Variants in FAM184B observed in about 807,000 individuals in gnomAD.
The protein encoded by FAM184B is family with sequence similarity 184 member B.
Under a neutral mutation model 135.9 loss-of-function variants are expected in FAM184B, and 111 were observed. The ratio of observed to expected loss-of-function variants is 0.82; its 90% CI spans 0.70 to 0.96. The LOEUF (loss-of-function observed/expected upper bound fraction) is 0.96. FAM184B is among the 40% of genes least tolerant of loss of function. The pLI is 0.00. For missense variants in FAM184B, 1,375 were observed against 1,323.9 expected (o/e 1.04, Z -0.60); for synonymous variants, 552 against 524.8 (o/e 1.05, Z -0.71).
intron 11 of FAM184B, among the ~76,000 whole-genome samples, chr4:17,648,375 C>G (rs1479964247): frequency 6.6e-6 from 1 of 151,708 alleles, no homozygotes; most frequent in Admixed American, 6.6e-5. Flanking sequence ...GAGATGGAGT[C>G]TCGGTTTGTT....
intron 1 of FAM184B, among the ~76,000 whole-genome samples, chr4:17,732,539 T>C (rs1191227258): frequency 8.5e-5 from 13 of 152,180 alleles, no homozygotes; most frequent in Middle Eastern, 3.4e-3. Context: ...CAAACTACCA[T>C]TAGAGAATAC....
intron 7 of FAM184B, among the ~76,000 whole-genome samples, chr4:17,673,969 C>A (rs2191504): frequency 1.3e-5 from 2 of 151,864 alleles, no homozygotes; most frequent in South Asian, 2.1e-4. Context: ...AAGATTTTCC[C>A]AGACAAACAA....
rs1196752874 is a variant in FAM184B at position 17,652,945 on chromosome 4, G to A, written c.2076C>T (p.Ser692=). 10 of 1,551,580 alleles carry A rather than the reference G, an allele frequency of 6.4e-6. No individual in the cohort carries two copies. The highest frequency in any genetic ancestry group is 8.7e-6 in the Non-Finnish European group (10 of 1,146,994). ...GGTGTGTCTGGTGTTGGATCTGGAGGCTGTGGCTGGATTCCTTCTTCAAGC... is the reference window on the plus strand; with the variant it reads ...GGTGTGTCTGGTGTTGGATCTGGAGACTGTGGCTGGATTCCTTCTTCAAGC... ...EERLKKESSH[S]LQIQHQTHRL... Residue 692 remains serine (S), a synonymous_variant, in exon 11 of 18, where the codon AGC becomes AGT. Transcript: ENST00000265018.
chr4:17,642,190 G>A lies in FAM184B; in HGVS notation c.2385C>T (p.Gly795=), dbSNP rs949366195. ...GGPGQAGSPP[G]AAGQGSGEGC... Reference sequence around the variant, plus strand: ...CCTCGCCGGAACCCTGCCCAGCAGCGCCCGGTGGGGAGCCGGCCTGGCCCG... The same window carrying A: ...CCTCGCCGGAACCCTGCCCAGCAGCACCCGGTGGGGAGCCGGCCTGGCCCG... Residue 795 remains glycine (G), a synonymous_variant, in exon 13 of 18, where the codon GGC becomes GGT. Coordinates refer to ENST00000265018, the MANE Select transcript of FAM184B (RefSeq NM_015688.2). 7 of 1,526,978 alleles carry A rather than the reference G, an allele frequency of 4.6e-6. No homozygotes were observed. The highest frequency in any genetic ancestry group is 2.8e-5 in the African/African-American group (2 of 71,380). 94.6% of individuals were successfully genotyped at this position (1,526,978 alleles called of 1,614,324 possible).
At chr4:17,695,923 G>T (rs6832387) in intron 5 of FAM184B, among the ~76,000 whole-genome samples, 92,960 of 151,894 alleles carry the variant, frequency 0.61, 29,015 homozygotes, top group East Asian at 0.93. Context: ...GAGAGAACAT[G>T]AAGGAAAATA....
chr4:17,721,544 C>A (rs187703633), intron 1 of FAM184B, among the ~76,000 whole-genome samples: 2 of 152,034 alleles, frequency 1.3e-5, no homozygotes, highest in Admixed American at 6.6e-5. Flanking sequence ...CAGGAAGTAG[C>A]GCAAAGGCAT....
chr4:17,703,132 G>A (rs910441808), intron 5 of FAM184B, among the ~76,000 whole-genome samples: 1 of 152,164 alleles, frequency 6.6e-6, no homozygotes, highest in African/African-American at 2.4e-5. Context: ...TCTAAAGTAT[G>A]AGGTACTTTA....
chr4:17,655,983 T>C (rs1715769914), intron 10 of FAM184B, among the ~76,000 whole-genome samples: 1 of 152,158 alleles, frequency 6.6e-6, no homozygotes, highest in Non-Finnish European at 1.5e-5. Flanking sequence ...ACTTTGTAAA[T>C]GGCAGATCCA....
rs61741465 is a variant in FAM184B, at chr4:17,705,850, G to T, written c.1072C>A (p.Arg358=). The T allele has an allele frequency of 5.4e-4, 838 of 1,552,152 alleles. 4 individuals are homozygous for T. The African/African-American group carries it at 0.011, about 20-fold the overall frequency. ...TELVSENKVL[R]EENDLEAGNL... is the part of the protein sequence containing the mutation. ...CCGGCTTCCAAGTCATTCTCTTCCC[G>T]CAGGACTTTGTTCTCTGAAACTAAC... Residue 358 remains arginine (R), a synonymous_variant, in exon 4 of 18, where the codon CGG becomes AGG. Coordinates refer to ENST00000265018, the MANE Select transcript of FAM184B (RefSeq NM_015688.2).
intron 4 of FAM184B, 123 bp downstream of exon 4, chr4:17,705,629 C>A: frequency 8.4e-7 from 1 of 1,196,684 alleles, no homozygotes; most frequent in Non-Finnish European, 1.1e-6. Flanking sequence ...ACTCCAGGAA[C>A]TACAGGGTCT....
chr4:17,737,524 A>G (rs975723522), intron 1 of FAM184B, among the ~76,000 whole-genome samples: 6 of 152,228 alleles, frequency 3.9e-5, no homozygotes, highest in Admixed American at 1.3e-4. Context: ...GAGCCAATAA[A>G]TGTCAAAAAG....
At chr4:17,746,785 C>T (rs888278111) in intron 1 of FAM184B, among the ~76,000 whole-genome samples, 2 of 151,224 alleles carry the variant, frequency 1.3e-5, no homozygotes, top group East Asian at 2.0e-4. Context: ...CACCTGTAAT[C>T]TCAGCACTTT....
At chr4:17,726,355 A>G (rs577405378) in intron 1 of FAM184B, among the ~76,000 whole-genome samples, 3 of 151,996 alleles carry the variant, frequency 2.0e-5, no homozygotes, top group Admixed American at 6.6e-5. Flanking sequence ...CTCTTAAATG[A>G]TGTCTTTTTG....
intron 1 of FAM184B, among the ~76,000 whole-genome samples, chr4:17,771,301 A>C (rs1486469054): frequency 6.6e-6 from 1 of 152,010 alleles, no homozygotes; most frequent in Non-Finnish European, 1.5e-5. Context: ...GAGGCAGGGG[A>C]GTTTTGGGGG....
In FAM184B at chr4:17,664,571, T is replaced by C. The variant is rs1237719687; in HGVS notation, c.1685A>G (p.Glu562Gly). 1 of 1,551,440 alleles carries C rather than the reference T, an allele frequency of 6.4e-7. No individual in the cohort carries two copies. Among genetic ancestry groups the C allele is most frequent in the Admixed American group, 2.0e-5 (1 of 50,952 alleles). The change falls in exon 8 of 18, where the codon GAA (glutamate) becomes GGA (glycine). Residue 562 changes from glutamate (E) to glycine (G), a missense_variant. Coordinates refer to ENST00000265018, the MANE Select transcript of FAM184B (RefSeq NM_015688.2). ...LAAEEGTSSD[E>G]EERTKVLLKE... ...GCATGTCCTCCTGTACCTTTCTTCT[T>C]CATCACTGCTGGTTCCTTCTTCAGC...
chr4:17,640,088 T>C (rs1411505213), intron 13 of FAM184B, among the ~76,000 whole-genome samples: 1 of 123,806 alleles, frequency 8.1e-6, no homozygotes, highest in East Asian at 4.0e-4. Context: ...CGCTTCAGCC[T>C]CCCAAAGTGC....
chr4:17,749,115 G>A (rs186149919), intron 1 of FAM184B, among the ~76,000 whole-genome samples: 3 of 151,476 alleles, frequency 2.0e-5, no homozygotes, highest in African/African-American at 7.3e-5. Context: ...ATTACAGGCA[G>A]AGCCACTATG....
intron 1 of FAM184B, among the ~76,000 whole-genome samples, chr4:17,764,197 A>AGAGGG (rs1004941416): frequency 6.6e-6 from 1 of 152,222 alleles, no homozygotes; most frequent in Non-Finnish European, 1.5e-5. Flanking sequence ...GGAAAACGGA[A>AGAGGG]GAGGGGAGAG....
chr4:17,732,370 C>A (rs1172367411), intron 1 of FAM184B, among the ~76,000 whole-genome samples: 3 of 152,128 alleles, frequency 2.0e-5, no homozygotes, highest in Non-Finnish European at 2.9e-5. Flanking sequence ...ACACAAAAAA[C>A]CCTTCAAAAA....
Sources: gnomAD v4.1 joint callset for allele counts (sites outside exome capture counted in the v4.1 genomes callset) on GRCh38, gnomAD v4.1.1 for gene constraint, MANE v1.5 for transcripts, NCBI Gene and HGNC (gene_info 2026-07-23, HGNC 2026-07-21) for gene names.